NOS1: variants seen among roughly 807,000 people sequenced by gnomAD.
NOS1 encodes the protein nitric oxide synthase 1, also known as NOS type I.
A neutral mutation model predicts 164.5 loss-of-function variants in NOS1; 51 were observed. The ratio of observed to expected loss-of-function variants is 0.31; its 90% CI spans 0.25 to 0.39. The LOEUF is 0.39. Ranked by LOEUF, NOS1 falls within the 10% of genes least tolerant of loss-of-function variation. The pLI, the probability that NOS1 is intolerant of heterozygous loss-of-function variation, is 1.00. For synonymous variants in NOS1, 719 were observed against 745.8 expected (o/e 0.96, Z 0.59); for missense variants, 1,362 against 1,885.6 (o/e 0.72, Z 5.14).
rs1180757373 is a variant in NOS1, at chr12:117,209,495, T to C, written c.*5814A>G. The C allele has an allele frequency of 4.1e-6, 4 of 985,402 alleles. No individual in the cohort carries two copies. In the African/African-American group the frequency reaches 7.0e-5, roughly 17 times the overall value. 61.0% of individuals were successfully genotyped at this position (985,402 alleles called of 1,614,324 possible). ...CTTTCTAAAAGACTACAGGAAGCAGTGCATGGAGGCAGATTTGTTCCCGCC... is the reference window on the plus strand; with the variant it reads ...CTTTCTAAAAGACTACAGGAAGCAGCGCATGGAGGCAGATTTGTTCCCGCC... On this transcript the variant is annotated 3_prime_UTR_variant, in exon 29 of 29. Coordinates refer to ENST00000317775, the MANE Select transcript of NOS1 (RefSeq NM_000620.5).
chr12:117,343,154 C>A (rs1444654835), intron 1 of NOS1, among the ~76,000 whole-genome samples: 2 of 151,010 alleles, frequency 1.3e-5, no homozygotes, highest in Admixed American at 6.6e-5. Flanking sequence ...TATAGTAGGA[C>A]CCCCATCTCT....
At chr12:117,360,638 G>T (rs1157643973) in intron 1 of NOS1, among the ~76,000 whole-genome samples, 1 of 152,198 alleles carries the variant, frequency 6.6e-6, no homozygotes, top group Non-Finnish European at 1.5e-5. Flanking sequence ...AGGCCGGAGC[G>T]ATGTTCCGGG....
chr12:117,292,429 C>G (rs966459238), intron 3 of NOS1, among the ~76,000 whole-genome samples: 13 of 152,134 alleles, frequency 8.5e-5, no homozygotes, highest in African/African-American at 2.9e-4. Flanking sequence ...ATCTCACTGG[C>G]TTGGAGGAGC....
intron 27 of NOS1, 54 bp downstream of exon 27, chr12:117,220,021 G>C (rs554315351): frequency 6.6e-6 from 10 of 1,520,094 alleles, no homozygotes; most frequent in Non-Finnish European, 8.9e-6. Context: ...GAAAAAGGGG[G>C]GATAGGAGAG....
chr12:117,212,290 G>A lies in NOS1; in HGVS notation c.*3019C>T. 2.0e-6 allele frequency: 2 copies of A among 985,322 alleles called. No homozygotes were observed. The highest frequency in any genetic ancestry group is 1.2e-6 in the Non-Finnish European group (1 of 829,928). 61.0% of individuals were successfully genotyped at this position (985,322 alleles called of 1,614,324 possible). On this transcript the variant is annotated 3_prime_UTR_variant, in exon 29 of 29. Coordinates refer to ENST00000317775, the MANE Select transcript of NOS1 (RefSeq NM_000620.5). The stretch of plus-strand genomic sequence containing the variant: ...CAGGTGGGTATGCAGACTCTAAAAG[G>A]TCAAGTGAGCCGCCCACAGCCATCT...
At chr12:117,296,197 G>A (rs1237569176) in intron 3 of NOS1, among the ~76,000 whole-genome samples, 4 of 152,184 alleles carry the variant, frequency 2.6e-5, no homozygotes, top group African/African-American at 9.7e-5. Flanking sequence ...CACAGTATAT[G>A]TTCAATAAAC....
intron 25 of NOS1, among the ~76,000 whole-genome samples, chr12:117,224,618 G>T (rs1198618153): frequency 6.6e-6 from 1 of 152,034 alleles, no homozygotes; most frequent in Non-Finnish European, 1.5e-5. Context: ...CCACAATTTG[G>T]GTTTCTTTCT....
At chr12:117,345,848 G>T (rs1260265050) in intron 1 of NOS1, among the ~76,000 whole-genome samples, 1 of 152,184 alleles carries the variant, frequency 6.6e-6, no homozygotes. Flanking sequence ...GAAAAAGCAA[G>T]ACCTTGTCTC....
At chr12:117,287,469 G>A (rs777518105) in intron 5 of NOS1, among the ~76,000 whole-genome samples, 4 of 151,472 alleles carry the variant, frequency 2.6e-5, no homozygotes, top group East Asian at 2.0e-4. Flanking sequence ...ATGGAGTCTC[G>A]CTCTGTTCGC....
intron 18 of NOS1, among the ~76,000 whole-genome samples, chr12:117,246,350 G>A (rs1870613682): frequency 6.6e-6 from 1 of 151,936 alleles, no homozygotes; most frequent in African/African-American, 2.4e-5. Flanking sequence ...TGCCCAGGCT[G>A]GTCTTGAGCT....
chr12:117,223,940 C>A (rs1036398364), intron 25 of NOS1, among the ~76,000 whole-genome samples: 3 of 152,236 alleles, frequency 2.0e-5, no homozygotes, highest in Non-Finnish European at 4.4e-5. Context: ...AGGCGTGAGC[C>A]ACCGCACCCA....
At position 117,227,478 on chromosome 12, in the gene NOS1, G is replaced by C; in HGVS notation, c.3569C>G (p.Pro1190Arg). 1 of 1,613,680 alleles carries C rather than the reference G, an allele frequency of 6.2e-7. No homozygotes were observed. The highest frequency in any genetic ancestry group is 8.5e-7 in the Non-Finnish European group (1 of 1,179,874). The change falls in exon 23 of 29, where the codon CCT becomes CGT. Residue 1190 changes from proline to arginine, a missense_variant. Around this residue, in one of 4 missense-constraint regions of NOS1, gnomAD observed 737 missense variants for 1,030.3 expected, o/e 0.72. Transcript: ENST00000317775. ...YSISSSPDMY[P>R]DEVHLTVAIV... ...GGCCACAGTGAGGTGCACTTCATCA[G>C]GGTACATGTCTGGGGAGGAGCTGAT...
intron 3 of NOS1, among the ~76,000 whole-genome samples, chr12:117,299,869 GCCAGATGTTA>G (rs1451558879): frequency 6.6e-6 from 1 of 151,952 alleles, no homozygotes; most frequent in African/African-American, 2.4e-5. Flanking sequence ...TCATAGTATA[GCCAGATGTTA>G]CTGGACAACT....
intron 8 of NOS1, among the ~76,000 whole-genome samples, chr12:117,279,509 C>CAATAGCCACATGTGTCCCA (rs1328218933): frequency 6.6e-6 from 1 of 152,246 alleles, no homozygotes; most frequent in East Asian, 1.9e-4. Flanking sequence ...TTCAAGTGAT[C>CAATAGCCACATGTGTCCCA]AATAGCCACA....
At chr12:117,305,110 G>A (rs1389093190) in intron 3 of NOS1, 1 of 976,014 alleles carries the variant, frequency 1.0e-6, no homozygotes, top group Non-Finnish European at 1.2e-6. Flanking sequence ...CATTAACAAT[G>A]CTAGGCCCCC....
intron 14 of NOS1, 30 bp from the exon 15 acceptor site, chr12:117,259,160 G>C (rs778476399): frequency 6.8e-7 from 1 of 1,462,276 alleles, no homozygotes; most frequent in South Asian, 1.1e-5. Context: ...GTATAGGATG[G>C]GGAGAGGAAG....
At chr12:117,314,011 G>T (rs1020353825) in intron 2 of NOS1, among the ~76,000 whole-genome samples, 8 of 152,126 alleles carry the variant, frequency 5.3e-5, no homozygotes, top group African/African-American at 1.9e-4. Flanking sequence ...ACAGTCACCT[G>T]GGATGAATCA....
chr12:117,291,575 A>G (rs1873066281), intron 3 of NOS1, among the ~76,000 whole-genome samples: 2 of 131,350 alleles, frequency 1.5e-5, no homozygotes, highest in South Asian at 5.0e-4. Flanking sequence ...GCTCTGTCAC[A>G]TAGGCTGGAG....
intron 20 of NOS1, among the ~76,000 whole-genome samples, chr12:117,237,829 C>A (rs369239214): frequency 3.0e-4 from 45 of 152,232 alleles, no homozygotes; most frequent in African/African-American, 1.0e-3. Flanking sequence ...GGAAGGACAG[C>A]AAAGTGCCCT....
Sources: allele counts gnomAD v4.1 joint callset (sites outside exome capture counted in the v4.1 genomes callset), GRCh38; gene constraint gnomAD v4.1.1; regional missense constraint gnomAD v4.1.1; transcripts MANE v1.5; gene names NCBI Gene and HGNC (gene_info 2026-07-23, HGNC 2026-07-21).